The following SAMHD1 variants were observed in gnomAD, a reference collection of about 807,000 sequenced individuals.
SAMHD1 encodes the protein SAM and HD domain containing deoxynucleoside triphosphate triphosphohydrolase 1.
In SAMHD1, 54 loss-of-function variants were observed where a neutral mutation model predicts 79.6. The ratio of observed to expected loss-of-function variants is 0.68; its 90% CI spans 0.55 to 0.85. The LOEUF is 0.85. Ranked by LOEUF, SAMHD1 falls within the 40% of genes least tolerant of loss-of-function variation. SAMHD1 has a pLI of 0.00. For missense variants in SAMHD1, 663 were observed against 782.7 expected (o/e 0.85, Z 1.82); for synonymous variants, 260 against 264.1 (o/e 0.98, Z 0.15).
intron 6 of SAMHD1, among the ~76,000 whole-genome samples, chr20:36,921,316 T>C (rs1450659014): frequency 2.2e-5 from 3 of 133,534 alleles, no homozygotes; most frequent in Non-Finnish European, 4.6e-5. Flanking sequence ...ACGCTTGAAC[T>C]CGGGAGGCGG....
chr20:36,925,064 G>C (rs2063528139), intron 6 of SAMHD1, among the ~76,000 whole-genome samples: 1 of 151,048 alleles, frequency 6.6e-6, no homozygotes, highest in Non-Finnish European at 1.5e-5. Flanking sequence ...GCTGAGGCAG[G>C]AGACTCGCTT....
At position 36,951,569 on chromosome 20, in the gene SAMHD1, G is replaced by T. The variant is rs749131496; in HGVS notation, c.75C>A (p.Thr25=). The T allele has an allele frequency of 3.7e-6, 6 of 1,614,204 alleles. No homozygotes were observed. Among genetic ancestry groups the T allele is most frequent in the Non-Finnish European group, 1.7e-6 (2 of 1,180,008 alleles). ...GGGACCAGTCTGCCTCTGCGGAAGGGGTGTTTGAGGGGGTTCTCGGGCTGT... is the reference window on the plus strand; with the variant it reads ...GGGACCAGTCTGCCTCTGCGGAAGGTGTGTTTGAGGGGGTTCTCGGGCTGT... ...CDDSPRTPSN[T]PSAEADWSPG... is the part of the protein sequence containing the mutation. The change falls in exon 1 of 16, where the codon ACC becomes ACA. Residue 25 remains threonine (T), a synonymous_variant. Transcript: ENST00000646673.
intron 11 of SAMHD1, among the ~76,000 whole-genome samples, chr20:36,908,394 C>A (rs1159245992): frequency 2.0e-5 from 3 of 151,914 alleles, no homozygotes. Flanking sequence ...CAGGCACGCA[C>A]CACCAGGGCT....
chr20:36,898,422 T>C lies in SAMHD1; in HGVS notation c.1608+18A>G, dbSNP rs1990237698. 6.4e-7 allele frequency: 1 copy of C among 1,563,294 alleles called. No individual in the cohort carries two copies. The highest frequency in any genetic ancestry group is 8.8e-7 in the Non-Finnish European group (1 of 1,133,876). Reference sequence around the variant, plus strand: ...GCTACATGCCACTATAGTATATTTGTTTTGCCTAAGTAGTTACCTGGTTTT... The same window carrying C: ...GCTACATGCCACTATAGTATATTTGCTTTGCCTAAGTAGTTACCTGGTTTT... On this transcript the variant is annotated intron_variant, in intron 14 of 15. Transcript: ENST00000646673.
intron 13 of SAMHD1, among the ~76,000 whole-genome samples, chr20:36,902,022 G>A (rs1173475478): frequency 2.0e-5 from 3 of 152,184 alleles, no homozygotes; most frequent in African/African-American, 7.2e-5. Flanking sequence ...TTTCTTTGGT[G>A]AGAAAGGTCT....
chr20:36,942,389 G>A (rs2146145916), intron 2 of SAMHD1, among the ~76,000 whole-genome samples: 1 of 152,258 alleles, frequency 6.6e-6, no homozygotes, highest in Middle Eastern at 3.4e-3. Context: ...TTGCACTCCA[G>A]CCTGGGCAAC....
At chr20:36,934,950 G>C (rs1258582189) in intron 4 of SAMHD1, 79 bp downstream of exon 4, 12 of 1,467,782 alleles carry the variant, frequency 8.2e-6, no homozygotes, top group Non-Finnish European at 1.1e-5. Context: ...GAGCCACCAT[G>C]CCTGGCCTAA....
intron 3 of SAMHD1, chr20:36,940,298 G>C (rs902873252): frequency 2.0e-5 from 3 of 151,744 alleles, no homozygotes; most frequent in African/African-American, 7.3e-5. Context: ...ATTGTTTATG[G>C]ATATACATAA....
chr20:36,893,736 C>G (rs140130264), intron 15 of SAMHD1: 101 of 395,910 alleles, frequency 2.6e-4, no homozygotes, highest in African/African-American at 1.8e-3. Flanking sequence ...CTTGGAGAGC[C>G]TCTGTTGTAC....
chr20:36,895,498 A>T (rs535026561), intron 15 of SAMHD1, among the ~76,000 whole-genome samples: 49 of 152,136 alleles, frequency 3.2e-4, no homozygotes, highest in Middle Eastern at 3.4e-3. Flanking sequence ...AATTAATAAT[A>T]ATTATTATTA....
intron 13 of SAMHD1, 183 bp downstream of exon 13, chr20:36,903,974 A>C: frequency 1.7e-6 from 1 of 574,788 alleles, no homozygotes. Context: ...TATATTAAAA[A>C]TAATGGCAAA....
intron 4 of SAMHD1, among the ~76,000 whole-genome samples, chr20:36,931,399 G>C (rs1449108652): frequency 6.6e-6 from 1 of 152,218 alleles, no homozygotes; most frequent in Non-Finnish European, 1.5e-5. Flanking sequence ...ACTTTGGGAG[G>C]CTGAGGCGGG....
intron 3 of SAMHD1, among the ~76,000 whole-genome samples, chr20:36,939,253 C>CAAA (rs57018620): frequency 1.9e-4 from 7 of 36,620 alleles, no homozygotes; most frequent in Admixed American, 5.2e-4. Context: ...GACTCCCTCT[C>CAAA]AAAAAAAAAA....
In SAMHD1 at chr20:36,927,257, A is replaced by G. The variant is rs768848252; in HGVS notation, c.626-5T>C. The G allele has an allele frequency of 4.3e-6, 7 of 1,613,364 alleles. No individual in the cohort carries two copies. The highest frequency in any genetic ancestry group is 4.2e-6 in the Non-Finnish European group (5 of 1,179,462). On this transcript the variant is annotated splice_polypyrimidine_tract_variant and splice_region_variant and intron_variant, in intron 5 of 15. Coordinates refer to ENST00000646673, the MANE Select transcript of SAMHD1 (RefSeq NM_015474.4). ...TGTGAGAAAATGGCCCATGACCTTA[A>G]AAACAAAAGCAGCCTTAGAACAAGA... is the stretch of plus-strand genomic sequence containing the variant.
chr20:36,917,507 TG>T lies in SAMHD1; in HGVS notation c.853-459del, dbSNP rs531901817. Reference sequence around the variant, plus strand: ...TCTCTACTAAAAACACAAAATTAGTTGGGCATGGTAGCAAGTGCCTGTACTC... The same window carrying T: ...TCTCTACTAAAAACACAAAATTAGTTGGCATGGTAGCAAGTGCCTGTACTC... On this transcript the variant is annotated intron_variant, in intron 7 of 15. Transcript: ENST00000646673. Among the ~76,000 whole-genome samples, 12 of 152,158 alleles carry T rather than the reference TG, an allele frequency of 7.9e-5. No homozygotes were observed. In the South Asian group the frequency reaches 2.3e-3, roughly 29 times the overall value.
intron 13 of SAMHD1, 99 bp from the exon 14 acceptor site, chr20:36,898,643 G>A (rs1467667919): frequency 1.3e-5 from 12 of 902,758 alleles, no homozygotes; most frequent in Non-Finnish European, 2.0e-5. Context: ...GCCGGGCGCA[G>A]TAGCTCATGC....
intron 15 of SAMHD1, 156 bp from the exon 16 acceptor site, chr20:36,893,222 G>A: frequency 1.2e-6 from 1 of 855,854 alleles, no homozygotes; most frequent in Non-Finnish European, 1.8e-6. Flanking sequence ...CATATGCCCT[G>A]TGCTTGGGGC....
Position 36,947,415 on chromosome 20 carries a change from T to TGTGTGATTTGGAAGAG in SAMHD1, c.209-612_209-611insCTCTTCCAAATCACAC, listed in dbSNP as rs1451740572. On this transcript the variant is annotated intron_variant, in intron 1 of 15. Transcript: ENST00000646673. The stretch of plus-strand genomic sequence containing the variant: ...GTGTGATTTGGAAGAGGTGTGTGTG[T>TGTGTGATTTGGAAGAG]GTGTGTGTGTGTGTGTGTGTGTGTG... 2.1e-4 allele frequency among the ~76,000 whole-genome samples: 30 copies of TGTGTGATTTGGAAGAG among 141,406 alleles called. 3 individuals carry two copies. The highest frequency in any genetic ancestry group is 5.7e-4 in the African/African-American group (21 of 37,000). 92.8% of individuals were successfully genotyped at this position (141,406 alleles called of 152,430 possible).
chr20:36,928,443 T>C (rs1365493829), intron 5 of SAMHD1, among the ~76,000 whole-genome samples: 1 of 151,602 alleles, frequency 6.6e-6, no homozygotes, highest in Non-Finnish European at 1.5e-5. Flanking sequence ...TCCCAGCACT[T>C]TGGGAGGCCG....
Sources: allele counts gnomAD v4.1 joint callset (sites outside exome capture counted in the v4.1 genomes callset), GRCh38; gene constraint gnomAD v4.1.1; transcripts MANE v1.5; gene names NCBI Gene and HGNC (gene_info 2026-07-23, HGNC 2026-07-21).